Variants in NSG1 observed in about 807,000 individuals in gnomAD.
The protein encoded by NSG1 is neuronal vesicle trafficking-associated protein 1.
NSG1 carries 9 observed loss-of-function variants against 19.3 expected under a neutral mutation model. The observed-to-expected ratio is 0.47, with a 90% CI of 0.28 to 0.81. The LOEUF is 0.81. Among genes scored for constraint, NSG1 ranks in the 40% least tolerant of loss-of-function variants. The probability of loss-of-function intolerance (pLI) is 0.11; values close to 1 mark genes in which losing one functional copy is unlikely to be tolerated. For missense variants in NSG1, 236 were observed against 242.4 expected, an observed-to-expected ratio of 0.97 and a Z score of 0.18; for synonymous variants, 104 against 107.0, an observed-to-expected ratio of 0.97 and a Z score of 0.17.
At chr4:4,396,284 C>T (rs1168267085) in intron 3 of NSG1, among the ~76,000 whole-genome samples, 1 of 152,108 alleles carries the variant, frequency 6.6e-6, no homozygotes, top group Non-Finnish European at 1.5e-5. Flanking sequence ...TAGGGGCCGT[C>T]ATCAGACAGG....
intron 2 of NSG1, among the ~76,000 whole-genome samples, chr4:4,390,774 T>C (rs1052156065): frequency 2.6e-5 from 4 of 152,148 alleles, no homozygotes; most frequent in African/African-American, 9.7e-5. Context: ...GCTGTGAGTG[T>C]CCAGGGCTGG....
intron 4 of NSG1, among the ~76,000 whole-genome samples, chr4:4,416,593 G>T (rs1165855082): frequency 6.6e-6 from 1 of 152,190 alleles, no homozygotes; most frequent in Non-Finnish European, 1.5e-5. Flanking sequence ...GGGAATGGGG[G>T]TGTGGATTTG....
chr4:4,404,719 TG>T (rs1723760795), intron 3 of NSG1, among the ~76,000 whole-genome samples: 1 of 152,158 alleles, frequency 6.6e-6, no homozygotes, highest in Non-Finnish European at 1.5e-5. Context: ...AAGTATCTCA[TG>T]GGGAGGGGGC....
At chr4:4,391,101 G>T (rs1722965741) in intron 2 of NSG1, among the ~76,000 whole-genome samples, 1 of 152,200 alleles carries the variant, frequency 6.6e-6, no homozygotes, top group Non-Finnish European at 1.5e-5. Flanking sequence ...AAAGGCAGGT[G>T]CAGCCTCCCA....
chr4:4,394,710 C>T (rs958691504), intron 3 of NSG1, among the ~76,000 whole-genome samples: 3 of 152,324 alleles, frequency 2.0e-5, no homozygotes, highest in Non-Finnish European at 4.4e-5. Flanking sequence ...ATCTCTCTGG[C>T]GCTTCTTGCA....
chr4:4,403,464 C>T (rs1723679360), intron 3 of NSG1, among the ~76,000 whole-genome samples: 2 of 152,210 alleles, frequency 1.3e-5, no homozygotes, highest in Admixed American at 6.5e-5. Flanking sequence ...AAGCTTCTCT[C>T]TGCTCTTTTC....
intron 3 of NSG1, among the ~76,000 whole-genome samples, chr4:4,392,631 C>T (rs1723055190): frequency 6.6e-6 from 1 of 152,218 alleles, no homozygotes; most frequent in South Asian, 2.1e-4. Context: ...CTGGGGAAGC[C>T]AGGGCGTAAT....
intron 3 of NSG1, among the ~76,000 whole-genome samples, chr4:4,394,812 C>G (rs1460676886): frequency 6.6e-6 from 1 of 152,212 alleles, no homozygotes; most frequent in Non-Finnish European, 1.5e-5. Flanking sequence ...CTGGGTCTGC[C>G]CGTGGGTCCT....
intron 4 of NSG1, among the ~76,000 whole-genome samples, chr4:4,410,110 G>A (rs779263846): frequency 7.9e-5 from 12 of 152,210 alleles, no homozygotes; most frequent in South Asian, 2.1e-4. Context: ...CCCACAGAGA[G>A]GAAGGCCTTG....
At chr4:4,393,428 C>T (rs1207997427) in intron 3 of NSG1, among the ~76,000 whole-genome samples, 1 of 152,180 alleles carries the variant, frequency 6.6e-6, no homozygotes, top group Non-Finnish European at 1.5e-5. Flanking sequence ...GGCTGGGACT[C>T]TGTGGTTACC....
chr4:4,388,179 G>C (rs1396663785), intron 2 of NSG1, among the ~76,000 whole-genome samples: 2 of 150,652 alleles, frequency 1.3e-5, no homozygotes, highest in Non-Finnish European at 1.5e-5. Flanking sequence ...TTGCCCCACC[G>C]AGGCGGGGGA....
chr4:4,387,810 G>A (rs1335469361), intron 2 of NSG1, 52 bp downstream of exon 2: 14 of 1,483,696 alleles, frequency 9.4e-6, no homozygotes, highest in Non-Finnish European at 1.1e-5. Flanking sequence ...CCCAAATCTC[G>A]CACGGCGGGC....
intron 4 of NSG1, among the ~76,000 whole-genome samples, chr4:4,412,317 C>G (rs571707053): frequency 7.6e-4 from 115 of 151,758 alleles, no homozygotes; most frequent in African/African-American, 2.7e-3. Context: ...AGTCCTGTGT[C>G]CGGCTGCAGA....
At chr4:4,416,587 A>G (rs1724558201) in intron 4 of NSG1, among the ~76,000 whole-genome samples, 1 of 152,130 alleles carries the variant, frequency 6.6e-6, no homozygotes, top group South Asian at 2.1e-4. Context: ...CCTGCAGGGA[A>G]TGGGGGTGTG....
intron 3 of NSG1, among the ~76,000 whole-genome samples, chr4:4,402,233 G>A (rs923169195): frequency 3.2e-4 from 48 of 151,000 alleles, no homozygotes; most frequent in African/African-American, 1.1e-3. Context: ...TCGAGATGGG[G>A]TTTTGCTGTG....
chr4:4,416,679 C>T (rs1232421417), intron 4 of NSG1, among the ~76,000 whole-genome samples: 1 of 152,038 alleles, frequency 6.6e-6, no homozygotes, highest in Admixed American at 6.5e-5. Flanking sequence ...CACGGCCCCT[C>T]CCTACCCCCT....
chr4:4,416,151 A>T, intron 4 of NSG1: 1 of 702,292 alleles, frequency 1.4e-6, no homozygotes, highest in South Asian at 1.5e-5. Context: ...GCCGCATTTT[A>T]TAGGTGAGGG....
intron 2 of NSG1, among the ~76,000 whole-genome samples, chr4:4,389,010 G>A (rs958958842): frequency 6.6e-6 from 1 of 152,226 alleles, no homozygotes; most frequent in East Asian, 1.9e-4. Flanking sequence ...CCCTGTCTAG[G>A]CATCAGACTC....
intron 3 of NSG1, among the ~76,000 whole-genome samples, chr4:4,408,562 G>A (rs1028250004): frequency 1.3e-5 from 2 of 152,216 alleles, no homozygotes; most frequent in Non-Finnish European, 2.9e-5. Flanking sequence ...CTGGGTTCAA[G>A]CGATTCTCCT....
Sources: allele counts gnomAD v4.1 joint callset (sites outside exome capture counted in the v4.1 genomes callset), GRCh38; gene constraint gnomAD v4.1.1; transcripts MANE v1.5; gene names NCBI Gene and HGNC (gene_info 2026-07-23, HGNC 2026-07-21).